The following CAMK4 variants were observed in gnomAD, a reference collection of about 807,000 sequenced individuals.
The protein encoded by CAMK4 is calcium/calmodulin dependent protein kinase IV.
CAMK4 carries 22 observed loss-of-function variants against 44.9 expected under a neutral mutation model. That is an observed-to-expected ratio of 0.49 (90% CI 0.35 to 0.70). The LOEUF (loss-of-function observed/expected upper bound fraction) is 0.70, where lower values mean the gene tolerates loss of function less well. Ranked by LOEUF, CAMK4 falls within the 30% of genes least tolerant of loss-of-function variation. The probability of loss-of-function intolerance (pLI) is 0.01; values close to 1 mark genes in which losing one functional copy is unlikely to be tolerated. For missense variants in CAMK4, 498 were observed against 586.8 expected (o/e 0.85, Z 1.56); for synonymous variants, 218 against 215.4 (o/e 1.01, Z -0.11).
intron 5 of CAMK4, among the ~76,000 whole-genome samples, chr5:111,403,855 A>G (rs1256156710): frequency 1.1e-4 from 16 of 152,302 alleles, no homozygotes; most frequent in Admixed American, 9.2e-4. Flanking sequence ...TTCTGCCTAC[A>G]TGGACTTCCC....
rs1299767993 is a variant in CAMK4 at position 111,224,882 on chromosome 5, T to A, written c.161+238T>A. ...CAGCCCGACTCCCTCCCACCTTCCC[T>A]CCTTCTCGCAGGCTGCCACTTCCCT... On this transcript the variant is annotated intron_variant, in intron 1 of 10. Coordinates refer to ENST00000282356, the MANE Select transcript of CAMK4 (RefSeq NM_001744.6). This position sits in a 1 kb window ranked among gnomAD's most constrained non-coding sequence, Gnocchi z 5.7. 7.2e-6 allele frequency among the ~76,000 whole-genome samples: 1 copy of A among 138,778 alleles called. No individual in the cohort carries two copies. The highest frequency in any genetic ancestry group is 1.6e-5 in the Non-Finnish European group (1 of 62,284). 91.0% of individuals were successfully genotyped at this position (138,778 alleles called of 152,430 possible).
intron 5 of CAMK4, among the ~76,000 whole-genome samples, chr5:111,417,522 A>C (rs1392415861): frequency 4.6e-5 from 7 of 151,170 alleles, no homozygotes; most frequent in Non-Finnish European, 7.4e-5. Flanking sequence ...GGCCCCAGCT[A>C]ATTAAAAAAA....
At chr5:111,239,088 G>T (rs942121156) in intron 1 of CAMK4, among the ~76,000 whole-genome samples, 2 of 151,900 alleles carry the variant, frequency 1.3e-5, no homozygotes, top group South Asian at 2.1e-4. Flanking sequence ...AAAACTTGGC[G>T]CATCTTGAGT....
At chr5:111,378,985 C>T (rs1751316333) in intron 4 of CAMK4, among the ~76,000 whole-genome samples, 2 of 81,640 alleles carry the variant, frequency 2.4e-5, no homozygotes, top group Admixed American at 1.5e-4. Context: ...CCTTTTTCAA[C>T]ACCTCTTTAG....
rs79679635 is a variant in CAMK4, at chr5:111,416,303, C to G, written c.459+21521C>G. 6.5e-3 allele frequency among the ~76,000 whole-genome samples: 984 copies of G among 152,150 alleles called. 10 individuals are homozygous for G. The highest frequency in any genetic ancestry group is 0.021 in the African/African-American group (866 of 41,516). The stretch of plus-strand genomic sequence containing the variant: ...ACAAGACTGGAAGCAAAACCATTAA[C>G]AGTGGTTATTTCTTGCCAGAGGAAT... On this transcript the variant is annotated intron_variant, in intron 5 of 10. Coordinates refer to ENST00000282356, the MANE Select transcript of CAMK4 (RefSeq NM_001744.6).
At chr5:111,394,059 T>G (rs930311693) in intron 4 of CAMK4, among the ~76,000 whole-genome samples, 3 of 151,766 alleles carry the variant, frequency 2.0e-5, no homozygotes, top group Non-Finnish European at 4.4e-5. Context: ...AAATACTCGT[T>G]AAAAAATAAT....
intron 2 of CAMK4, among the ~76,000 whole-genome samples, chr5:111,350,242 T>A (rs1463035757): frequency 1.3e-5 from 2 of 152,106 alleles, no homozygotes; most frequent in Admixed American, 6.6e-5. Flanking sequence ...ATATACATGA[T>A]GAACATTATT....
chr5:111,324,962 G>A (rs773055710), intron 1 of CAMK4, among the ~76,000 whole-genome samples: 31 of 151,392 alleles, frequency 2.0e-4, no homozygotes, highest in Non-Finnish European at 3.7e-4. Context: ...TTTAAGCCCC[G>A]CGTGCATTAG....
intron 2 of CAMK4, among the ~76,000 whole-genome samples, chr5:111,367,767 G>A (rs2112809060): frequency 6.6e-6 from 1 of 152,174 alleles, no homozygotes; most frequent in South Asian, 2.1e-4. Context: ...TCAGCAATGG[G>A]AAACAAAGGA....
At chr5:111,428,540 A>G (rs1243892731) in intron 5 of CAMK4, among the ~76,000 whole-genome samples, 1 of 152,262 alleles carries the variant, frequency 6.6e-6, no homozygotes, top group Non-Finnish European at 1.5e-5. Flanking sequence ...AAAGAAATTG[A>G]AATAATTAGA....
At chr5:111,384,928 A>G (rs751507553) in intron 4 of CAMK4, among the ~76,000 whole-genome samples, 2 of 152,104 alleles carry the variant, frequency 1.3e-5, no homozygotes, top group African/African-American at 2.4e-5. Context: ...TCACCTTACC[A>G]TGCTGGCTTT....
intron 1 of CAMK4, among the ~76,000 whole-genome samples, chr5:111,235,111 G>C (rs1748655204): frequency 1.3e-5 from 2 of 151,992 alleles, no homozygotes; most frequent in Admixed American, 6.6e-5. Flanking sequence ...CTGTTAGTTT[G>C]GTTTGCCTTA....
At chr5:111,478,982 A>G (rs1466265563) in intron 9 of CAMK4, among the ~76,000 whole-genome samples, 2 of 152,136 alleles carry the variant, frequency 1.3e-5, no homozygotes, top group East Asian at 3.9e-4. Flanking sequence ...GGCTTAAGCA[A>G]TCCTCCCACC....
intron 7 of CAMK4, among the ~76,000 whole-genome samples, chr5:111,452,557 T>A (rs1041659518): frequency 8.5e-5 from 13 of 152,238 alleles, no homozygotes; most frequent in Admixed American, 6.5e-5. Flanking sequence ...CATGCTCATG[T>A]CCTTCCTTAG....
intron 1 of CAMK4, chr5:111,283,173 TC>T (rs769170946): frequency 6.6e-6 from 1 of 152,206 alleles, no homozygotes; most frequent in Non-Finnish European, 1.5e-5. Context: ...TGCATAAAGA[TC>T]TATCATATTT....
intron 1 of CAMK4, among the ~76,000 whole-genome samples, chr5:111,326,064 A>T (rs1317202338): frequency 6.6e-6 from 1 of 152,102 alleles, no homozygotes; most frequent in East Asian, 1.9e-4. Flanking sequence ...ATAAAAGAAG[A>T]GAGATACAAT....
intron 2 of CAMK4, among the ~76,000 whole-genome samples, chr5:111,353,003 G>T (rs562689359): frequency 6.6e-6 from 1 of 152,126 alleles, no homozygotes; most frequent in East Asian, 1.9e-4. Context: ...TTATGAAATT[G>T]TTCCCCATTC....
chr5:111,335,785 T>C (rs1372669879), intron 1 of CAMK4, among the ~76,000 whole-genome samples: 1 of 151,384 alleles, frequency 6.6e-6, no homozygotes, highest in Non-Finnish European at 1.5e-5. Context: ...TGTGTGGGGA[T>C]ATAATATATA....
rs867629006 is a variant in CAMK4, at chr5:111,344,437, C to T, written c.240+335C>T. On this transcript the variant is annotated intron_variant, in intron 2 of 10. Coordinates refer to ENST00000282356, the MANE Select transcript of CAMK4 (RefSeq NM_001744.6). ...GTATATACACACACACACACATACA[C>T]ACACACACACTATATAATAATTTCA... 1.8e-3 allele frequency among the ~76,000 whole-genome samples: 239 copies of T among 129,384 alleles called. No homozygotes were observed. The Middle Eastern group carries it at 0.031, about 17-fold the overall frequency. The allele number at this position is 129,384 out of a possible 152,430, so 84.9% of individuals were successfully genotyped here. A position where few individuals can be genotyped will look rare whatever the true frequency, so the allele number is the denominator to read the frequency against.
Sources: gnomAD v4.1 joint callset for allele counts (sites outside exome capture counted in the v4.1 genomes callset) on GRCh38, gnomAD v4.1.1 for gene constraint, Gnocchi (gnomAD v3.1) non-coding constraint, MANE v1.5 for transcripts, NCBI Gene and HGNC (gene_info 2026-07-23, HGNC 2026-07-21) for gene names.